Variants in STX8 observed in about 807,000 individuals in gnomAD.
STX8 encodes the protein syntaxin-8.
In STX8, 23 loss-of-function variants were observed where a neutral mutation model predicts 37.5. That is an observed-to-expected ratio of 0.61 (90% CI 0.44 to 0.87). STX8 has a LOEUF of 0.87. Ranked by LOEUF, STX8 falls within the 40% of genes least tolerant of loss-of-function variation. The probability of loss-of-function intolerance (pLI) is 0.00; values close to 1 mark genes in which losing one functional copy is unlikely to be tolerated. For synonymous variants in STX8, 115 were observed against 99.1 expected, an observed-to-expected ratio of 1.16 and a Z score of -0.95; for missense variants, 313 against 284.7, an observed-to-expected ratio of 1.10 and a Z score of -0.71.
chr17:9,537,326 G>C (rs945085575), intron 4 of STX8, among the ~76,000 whole-genome samples: 1 of 152,216 alleles, frequency 6.6e-6, no homozygotes, highest in African/African-American at 2.4e-5. Context: ...TTATGGCCAA[G>C]GGGCTGAGTG....
intron 7 of STX8, among the ~76,000 whole-genome samples, chr17:9,360,359 C>T (rs887398094): frequency 1.3e-4 from 20 of 151,068 alleles, no homozygotes; most frequent in Non-Finnish European, 1.8e-4. Context: ...CTCAGCCTCC[C>T]GAGTAGCTGG....
chr17:9,493,378 G>A (rs1423200030), intron 5 of STX8, among the ~76,000 whole-genome samples: 1 of 152,206 alleles, frequency 6.6e-6, no homozygotes, highest in East Asian at 1.9e-4. Flanking sequence ...AATCTTGGCA[G>A]GCTCCTTCAG....
intron 6 of STX8, among the ~76,000 whole-genome samples, chr17:9,465,657 TCA>T (rs1905580228): frequency 6.6e-6 from 1 of 152,170 alleles, no homozygotes; most frequent in African/African-American, 2.4e-5. Flanking sequence ...ACGCCTGTCA[TCA>T]CAGAGTATGA....
At chr17:9,390,376 C>A (rs1173527614) in intron 6 of STX8, among the ~76,000 whole-genome samples, 1 of 151,374 alleles carries the variant, frequency 6.6e-6, no homozygotes, top group African/African-American at 2.4e-5. Flanking sequence ...ACAAAAATTA[C>A]CTGGGCGTGG....
chr17:9,526,533 A>G (rs1228545508), intron 4 of STX8, among the ~76,000 whole-genome samples: 1 of 152,076 alleles, frequency 6.6e-6, no homozygotes, highest in Non-Finnish European at 1.5e-5. Flanking sequence ...AAACAAGAAC[A>G]GGCTTTTTAA....
At chr17:9,527,955 C>T (rs1398014215) in intron 4 of STX8, among the ~76,000 whole-genome samples, 3 of 152,158 alleles carry the variant, frequency 2.0e-5, no homozygotes, top group Non-Finnish European at 4.4e-5. Flanking sequence ...AAAAACTAAA[C>T]AACCCAACGT....
chr17:9,528,985 T>A (rs1905690497), intron 4 of STX8, among the ~76,000 whole-genome samples: 1 of 151,464 alleles, frequency 6.6e-6, no homozygotes, highest in Admixed American at 6.6e-5. Context: ...ACCTACAGAG[T>A]CATTACGGGG....
intron 7 of STX8, among the ~76,000 whole-genome samples, chr17:9,268,814 C>T (rs912428638): frequency 1.3e-4 from 20 of 152,178 alleles, no homozygotes; most frequent in African/African-American, 4.1e-4. Context: ...TGGACAAGAT[C>T]CCAAGCCATC....
intron 4 of STX8, among the ~76,000 whole-genome samples, chr17:9,543,236 T>C (rs981460903): frequency 6.6e-6 from 1 of 152,068 alleles, no homozygotes; most frequent in African/African-American, 2.4e-5. Flanking sequence ...TATGTCCTTA[T>C]TAATTTCTTG....
At chr17:9,270,463 C>T (rs1413972502) in intron 7 of STX8, among the ~76,000 whole-genome samples, 1 of 151,834 alleles carries the variant, frequency 6.6e-6, no homozygotes, top group Admixed American at 6.6e-5. Flanking sequence ...ACCATGTTAG[C>T]CAGGAATGGT....
intron 7 of STX8, among the ~76,000 whole-genome samples, chr17:9,277,696 T>C (rs553822218): frequency 1.3e-5 from 2 of 152,076 alleles, no homozygotes. Context: ...GGTGGTCAGA[T>C]ATGGCTTTCT....
chr17:9,377,916 C>G (rs1358588423), intron 7 of STX8: 3 of 152,390 alleles, frequency 2.0e-5, no homozygotes, highest in African/African-American at 7.2e-5. Flanking sequence ...CGGCAATACA[C>G]AATTTAAACC....
intron 7 of STX8, among the ~76,000 whole-genome samples, chr17:9,364,109 A>G (rs1911149061): frequency 6.6e-6 from 1 of 152,254 alleles, no homozygotes; most frequent in Admixed American, 6.5e-5. Flanking sequence ...TTCTGACCAC[A>G]AACACTTAAC....
At chr17:9,297,241 CA>C (rs112089232) in intron 7 of STX8, among the ~76,000 whole-genome samples, 1,714 of 90,860 alleles carry the variant, frequency 0.019, 16 homozygotes, top group African/African-American at 0.066. Flanking sequence ...CCAGAGTTTG[CA>C]AAAAAAAAAA....
At chr17:9,501,162 T>C (rs1167651751) in intron 5 of STX8, among the ~76,000 whole-genome samples, 1 of 152,310 alleles carries the variant, frequency 6.6e-6, no homozygotes. Flanking sequence ...AAAAATTCAA[T>C]GTAATCCCAA....
At chr17:9,375,062 TCAAAAA>T (rs1202642848) in intron 7 of STX8, among the ~76,000 whole-genome samples, 2 of 73,492 alleles carry the variant, frequency 2.7e-5, no homozygotes, top group African/African-American at 1.2e-4. Flanking sequence ...AGACTCTGTC[TCAAAAA>T]AAAAAAAAAA....
intron 6 of STX8, among the ~76,000 whole-genome samples, chr17:9,456,576 C>T (rs139634438): frequency 4.6e-5 from 7 of 152,242 alleles, no homozygotes; most frequent in Non-Finnish European, 1.0e-4. Flanking sequence ...TCTTCCTCTG[C>T]TTGAGCCATC....
At chr17:9,502,769 G>A (rs2142496063) in intron 5 of STX8, among the ~76,000 whole-genome samples, 1 of 152,230 alleles carries the variant, frequency 6.6e-6, no homozygotes, top group Non-Finnish European at 1.5e-5. Flanking sequence ...TACACAGATT[G>A]TGGTAAATCC....
chr17:9,435,835 A>G (rs1904411600), intron 6 of STX8, among the ~76,000 whole-genome samples: 2 of 152,214 alleles, frequency 1.3e-5, no homozygotes, highest in Admixed American at 1.3e-4. Context: ...TATTCATTCT[A>G]CAATGTATAT....
Sources: gnomAD v4.1 joint callset for allele counts (sites outside exome capture counted in the v4.1 genomes callset) on GRCh38, gnomAD v4.1.1 for gene constraint, MANE v1.5 for transcripts, NCBI Gene and HGNC (gene_info 2026-07-23, HGNC 2026-07-21) for gene names.